The following GCNT2 variants were observed in gnomAD, a reference collection of about 807,000 sequenced individuals.
GCNT2 encodes glucosaminyl (N-acetyl) transferase 2 (I blood group).
Under a neutral mutation model 34.2 loss-of-function variants are expected in GCNT2, and 34 were observed. The ratio of observed to expected loss-of-function variants is 1.00; its 90% CI spans 0.76 to 1.32. GCNT2 has a LOEUF of 1.32. Ranked by LOEUF, GCNT2 falls within the 40% of genes most tolerant of loss-of-function variation. The pLI, the probability that GCNT2 is intolerant of heterozygous loss-of-function variation, is 0.00. For synonymous variants in GCNT2, 212 were observed against 188.0 expected, an observed-to-expected ratio of 1.13 and a Z score of -1.04; for missense variants, 584 against 489.4, an observed-to-expected ratio of 1.19 and a Z score of -1.82.
intron 3 of GCNT2, among the ~76,000 whole-genome samples, chr6:10,530,804 C>T (rs1184218282): frequency 6.6e-6 from 1 of 152,104 alleles, no homozygotes; most frequent in Non-Finnish European, 1.5e-5. Flanking sequence ...CCTGTAATCC[C>T]AGCACTTTGG....
intron 3 of GCNT2, among the ~76,000 whole-genome samples, chr6:10,561,037 G>GT (rs1394865596): frequency 2.0e-5 from 3 of 152,188 alleles, no homozygotes; most frequent in African/African-American, 7.2e-5. Context: ...TGTGACAGCC[G>GT]TAACTTCTGA....
At chr6:10,581,638 G>A (rs1764072578) in intron 3 of GCNT2, 1 of 461,042 alleles carries the variant, frequency 2.2e-6, no homozygotes, top group Admixed American at 6.4e-5. Context: ...TCTGCAGACT[G>A]CTTTGGCTAC....
At chr6:10,546,591 G>A (rs571052145) in intron 3 of GCNT2, among the ~76,000 whole-genome samples, 2 of 152,202 alleles carry the variant, frequency 1.3e-5, no homozygotes, top group South Asian at 2.1e-4. Flanking sequence ...CCCAGGGGGC[G>A]GAGGTTGCAG....
intron 3 of GCNT2, among the ~76,000 whole-genome samples, chr6:10,576,662 G>T (rs1763827625): frequency 6.6e-6 from 1 of 151,320 alleles, no homozygotes; most frequent in Non-Finnish European, 1.5e-5. Context: ...CTTTTCAATA[G>T]GACAGAGACA....
At chr6:10,534,538 C>A (rs936453318) in intron 3 of GCNT2, among the ~76,000 whole-genome samples, 1 of 152,054 alleles carries the variant, frequency 6.6e-6, no homozygotes, top group Non-Finnish European at 1.5e-5. Flanking sequence ...AATGAGGATC[C>A]CCGTTCTCAT....
chr6:10,573,413 G>T (rs1032114643), intron 3 of GCNT2: 1 of 460,482 alleles, frequency 2.2e-6, no homozygotes, highest in African/African-American at 2.1e-5. Context: ...CACCAGAAGG[G>T]AAAGAAATTT....
At chr6:10,620,156 T>C (rs1349220671) in intron 3 of GCNT2, among the ~76,000 whole-genome samples, 7 of 152,196 alleles carry the variant, frequency 4.6e-5, no homozygotes, top group Non-Finnish European at 7.3e-5. Flanking sequence ...CTGTTCTGCA[T>C]GTGTGTGTTT....
chr6:10,584,448 TATCTC>T (rs1299103881), intron 3 of GCNT2, among the ~76,000 whole-genome samples: 4 of 152,280 alleles, frequency 2.6e-5, no homozygotes, highest in Admixed American at 6.5e-5. Flanking sequence ...GCCTTCCTCT[TATCTC>T]AACCGCATTG....
At chr6:10,568,185 G>A (rs1280010825) in intron 3 of GCNT2, among the ~76,000 whole-genome samples, 62 of 151,986 alleles carry the variant, frequency 4.1e-4, no homozygotes, top group Non-Finnish European at 5.9e-5. Context: ...CTTCCCTGTA[G>A]TGAGCTCCCA....
chr6:10,572,315 A>G (rs532265632), intron 3 of GCNT2, among the ~76,000 whole-genome samples: 27 of 152,330 alleles, frequency 1.8e-4, no homozygotes, highest in Admixed American at 9.2e-4. Context: ...CAAAGCTACA[A>G]TATTAGCCCT....
rs552859012 is a variant in GCNT2 at position 10,626,027 on chromosome 6, G to A, written c.1019-390G>A. 4.0e-4 allele frequency among the ~76,000 whole-genome samples: 61 copies of A among 152,168 alleles called. 1 individual carries two copies. Among genetic ancestry groups the A allele is most frequent in the African/African-American group, 1.2e-3 (51 of 41,506 alleles). ...ATATTTTTGGATCGTGGTTGACTTC[G>A]GGTAGCTGAAACCTCAGAAAGCAAA... On this transcript the variant is annotated intron_variant, in intron 4 of 4. Coordinates refer to ENST00000495262, the MANE Select transcript of GCNT2 (RefSeq NM_145649.5).
intron 4 of GCNT2, 41 bp from the exon 5 acceptor site, chr6:10,626,376 C>T: frequency 7.0e-7 from 1 of 1,432,252 alleles, no homozygotes; most frequent in Non-Finnish European, 9.9e-7. Context: ...CTTTTGAAAG[C>T]AAGCATGTTT....
intron 3 of GCNT2, among the ~76,000 whole-genome samples, chr6:10,582,503 AATACATCATATATTATATT>A (rs1282957845): frequency 2.5e-5 from 3 of 121,914 alleles, no homozygotes; most frequent in East Asian, 4.1e-4. Flanking sequence ...TATATAATAT[AATACATCATATATTATATT>A]ATACATCATA....
chr6:10,529,745 C>T lies in GCNT2; in HGVS notation c.834C>T (p.Leu278=). 1 of 1,614,166 alleles carries T rather than the reference C, an allele frequency of 6.2e-7. No individual in the cohort carries two copies. Residue 278 remains leucine, a synonymous_variant, in exon 3 of 5, where the codon CTC becomes CTT. Transcript: ENST00000495262. ...ALTRDFANFV[L]QDQLALDLLS... The stretch of plus-strand genomic sequence containing the variant: ...CAAGGGACTTTGCTAACTTCGTCCT[C>T]CAAGACCAGCTCGCACTTGACTTAC...
chr6:10,550,408 G>T (rs568315311), intron 3 of GCNT2, among the ~76,000 whole-genome samples: 2 of 151,802 alleles, frequency 1.3e-5, no homozygotes, highest in African/African-American at 4.8e-5. Context: ...AAAAAAAATC[G>T]AGTAATTTTG....
chr6:10,595,856 G>C (rs1325916081), intron 3 of GCNT2, among the ~76,000 whole-genome samples: 1 of 152,136 alleles, frequency 6.6e-6, no homozygotes, highest in Admixed American at 6.5e-5. Flanking sequence ...ACACAACAGT[G>C]CAGAGAACAG....
At chr6:10,566,932 A>T (rs983328190) in intron 3 of GCNT2, among the ~76,000 whole-genome samples, 1 of 152,192 alleles carries the variant, frequency 6.6e-6, no homozygotes, top group Non-Finnish European at 1.5e-5. Context: ...AAGGCTCACT[A>T]ATGTTAAAGG....
intron 3 of GCNT2, among the ~76,000 whole-genome samples, chr6:10,596,906 G>T (rs1486062647): frequency 1.3e-5 from 2 of 152,116 alleles, no homozygotes; most frequent in Non-Finnish European, 2.9e-5. Context: ...AATTTGAGAT[G>T]CCTCAGTTAT....
chr6:10,541,467 T>G (rs1336210641), intron 3 of GCNT2, among the ~76,000 whole-genome samples: 1 of 152,220 alleles, frequency 6.6e-6, no homozygotes, highest in African/African-American at 2.4e-5. Flanking sequence ...AGTGCTGCAG[T>G]GAACATACGC....
Sources: allele counts gnomAD v4.1 joint callset (sites outside exome capture counted in the v4.1 genomes callset), GRCh38; gene constraint gnomAD v4.1.1; transcripts MANE v1.5; gene names NCBI Gene and HGNC (gene_info 2026-07-23, HGNC 2026-07-21).